The following DSCAM variants were observed in gnomAD, a reference collection of about 807,000 sequenced individuals.
The protein encoded by DSCAM is DS cell adhesion molecule.
DSCAM carries 47 observed loss-of-function variants against 217.7 expected under a neutral mutation model. The ratio of observed to expected loss-of-function variants is 0.22; its 90% CI spans 0.17 to 0.28. The LOEUF (loss-of-function observed/expected upper bound fraction) is 0.28. Among genes scored for constraint, DSCAM ranks in the 10% least tolerant of loss-of-function variants. The probability of loss-of-function intolerance (pLI) is 1.00; values close to 1 mark genes in which losing one functional copy is unlikely to be tolerated. For synonymous variants in DSCAM, 1,056 were observed against 1,015.3 expected (o/e 1.04, Z -0.76); for missense variants, 2,080 against 2,618.3 (o/e 0.79, Z 4.49).
At chr21:40,140,639 G>A (rs948693487) in intron 18 of DSCAM, among the ~76,000 whole-genome samples, 7 of 152,170 alleles carry the variant, frequency 4.6e-5, no homozygotes, top group African/African-American at 1.7e-4. Context: ...ATATCCTATG[G>A]TATTTTGTCC....
At position 40,224,653 on chromosome 21, in the gene DSCAM, C is replaced by T. The variant is rs189988475; in HGVS notation, c.2357-35415G>A. 1.4e-4 allele frequency among the ~76,000 whole-genome samples: 21 copies of T among 152,222 alleles called. No homozygotes were observed. The East Asian group carries it at 1.7e-3, about 13-fold the overall frequency. On this transcript the variant is annotated intron_variant, in intron 11 of 32. Transcript: ENST00000400454. ...TGATGCACAAATGAGCAAAAATCAACAATTGGCAATAAATGACATCTTAAA... is the reference window on the plus strand; with the variant it reads ...TGATGCACAAATGAGCAAAAATCAATAATTGGCAATAAATGACATCTTAAA...
intron 32 of DSCAM, among the ~76,000 whole-genome samples, chr21:40,020,535 GAGAGAGAGAGA>G (rs1229530533): frequency 7.1e-6 from 1 of 141,336 alleles, no homozygotes; most frequent in African/African-American, 2.5e-5. Flanking sequence ...GTGTGTGAGA[GAGAGAGAGAGA>G]GGAGAGAGAT....
chr21:40,182,397 G>A (rs1246490217), intron 14 of DSCAM, among the ~76,000 whole-genome samples: 1 of 151,974 alleles, frequency 6.6e-6, no homozygotes, highest in Non-Finnish European at 1.5e-5. Flanking sequence ...GTGTTTCCTG[G>A]TTACCTTTCA....
chr21:40,011,703 A>G lies in DSCAM; in HGVS notation c.*1331T>C, dbSNP rs1003235655. 3 of 152,194 alleles carry G rather than the reference A, an allele frequency of 2.0e-5. No individual in the cohort carries two copies. Among genetic ancestry groups the G allele is most frequent in the Admixed American group, 1.3e-4 (2 of 15,280 alleles). The allele number at this position is 152,194 out of a possible 1,614,324, so 9.4% of individuals were successfully genotyped here. ...TCTCTTAGGATGAGCCACATGGGAG[A>G]TAAAGTGAGGGAAAGGAAAGTAAAA... On this transcript the variant is annotated 3_prime_UTR_variant, in exon 33 of 33. Transcript: ENST00000400454.
chr21:40,224,283 G>A (rs934486812), intron 11 of DSCAM, among the ~76,000 whole-genome samples: 6 of 152,176 alleles, frequency 3.9e-5, no homozygotes, highest in African/African-American at 1.2e-4. Context: ...AATTGCAAAT[G>A]AGAATAAATC....
At chr21:40,715,171 A>G (rs2090828304) in intron 1 of DSCAM, among the ~76,000 whole-genome samples, 2 of 152,226 alleles carry the variant, frequency 1.3e-5, no homozygotes, top group Admixed American at 1.3e-4. Context: ...CAAGACAACA[A>G]TTCACGAAAG....
intron 3 of DSCAM, among the ~76,000 whole-genome samples, chr21:40,486,241 G>A (rs971352586): frequency 3.9e-5 from 6 of 152,080 alleles, no homozygotes; most frequent in South Asian, 4.1e-4. Flanking sequence ...ATAATCACCC[G>A]GCATGGTTTA....
intron 4 of DSCAM, among the ~76,000 whole-genome samples, chr21:40,357,310 G>A (rs1469931585): frequency 6.6e-6 from 1 of 152,174 alleles, no homozygotes; most frequent in East Asian, 1.9e-4. Flanking sequence ...ATTAAGTGGA[G>A]ACAGGCCTAA....
At chr21:40,280,834 C>T (rs2073751166) in intron 10 of DSCAM, among the ~76,000 whole-genome samples, 1 of 152,194 alleles carries the variant, frequency 6.6e-6, no homozygotes, top group Non-Finnish European at 1.5e-5. Flanking sequence ...CTCTCTCCCT[C>T]CCGCTCAGTC....
intron 6 of DSCAM, among the ~76,000 whole-genome samples, chr21:40,342,476 A>G (rs555473211): frequency 6.6e-6 from 1 of 151,588 alleles, no homozygotes; most frequent in African/African-American, 2.4e-5. Flanking sequence ...TTTATATTCA[A>G]TTCTATACGG....
At chr21:40,828,658 CTTTT>C (rs35167327) in intron 1 of DSCAM, among the ~76,000 whole-genome samples, 1 of 132,472 alleles carries the variant, frequency 7.5e-6, no homozygotes, top group Non-Finnish European at 1.6e-5. Context: ...ACCCCACCCT[CTTTT>C]TTTTTTTTTT....
chr21:40,259,710 G>A (rs1184253845), intron 11 of DSCAM, among the ~76,000 whole-genome samples: 1 of 110,248 alleles, frequency 9.1e-6, no homozygotes, highest in Non-Finnish European at 1.7e-5. Context: ...GTCTCGCTCT[G>A]TCGCCCAGGC....
intron 1 of DSCAM, among the ~76,000 whole-genome samples, chr21:40,766,331 GTA>G (rs141505117): frequency 3.4e-5 from 5 of 148,208 alleles, no homozygotes; most frequent in South Asian, 2.1e-4. Context: ...TGGTATGTGT[GTA>G]TATATATATA....
intron 11 of DSCAM, among the ~76,000 whole-genome samples, chr21:40,205,580 G>A (rs981083962): frequency 1.4e-5 from 2 of 145,988 alleles, no homozygotes; most frequent in African/African-American, 5.2e-5. Flanking sequence ...TCCAGCTTGG[G>A]TGACAGAGCA....
At chr21:40,812,525 T>G (rs1466592643) in intron 1 of DSCAM, among the ~76,000 whole-genome samples, 1 of 152,200 alleles carries the variant, frequency 6.6e-6, no homozygotes, top group African/African-American at 2.4e-5. Flanking sequence ...TTTGGATACA[T>G]GTGAACCATG....
intron 3 of DSCAM, among the ~76,000 whole-genome samples, chr21:40,440,475 G>A (rs113797940): frequency 1.1e-4 from 1 of 8,716 alleles, no homozygotes; most frequent in Admixed American, 1.0e-3. Flanking sequence ...TAAAGACTCC[G>A]AAGTCCAAAG....
Position 40,094,408 on chromosome 21 carries a change from C to T in DSCAM, c.3697-534G>A, listed in dbSNP as rs2089651320. Among the ~76,000 whole-genome samples, 5 of 152,142 alleles carry T rather than the reference C, an allele frequency of 3.3e-5. No homozygotes were observed. The South Asian group carries it at 1.0e-3, about 31-fold the overall frequency. ...GCCTTTCCAAGCTAAGGAGGCAGAG[C>T]TGAGAGCCTGAAGGAAGCTAGAGTT... On this transcript the variant is annotated intron_variant, in intron 20 of 32. Coordinates refer to ENST00000400454, the MANE Select transcript of DSCAM (RefSeq NM_001389.5).
At chr21:40,474,595 C>T (rs182055995) in intron 3 of DSCAM, among the ~76,000 whole-genome samples, 9 of 152,298 alleles carry the variant, frequency 5.9e-5, no homozygotes, top group Non-Finnish European at 8.8e-5. Context: ...CCCTGGGGCT[C>T]CCGCAGAGCA....
At chr21:40,653,712 A>G (rs2090041468) in intron 3 of DSCAM, among the ~76,000 whole-genome samples, 1 of 152,160 alleles carries the variant, frequency 6.6e-6, no homozygotes, top group African/African-American at 2.4e-5. Context: ...TTAAGATTCT[A>G]CCACCTGGCA....
Sources: allele counts gnomAD v4.1 joint callset (sites outside exome capture counted in the v4.1 genomes callset), GRCh38; gene constraint gnomAD v4.1.1; transcripts MANE v1.5; gene names NCBI Gene and HGNC (gene_info 2026-07-23, HGNC 2026-07-21).